BPIFC: variants seen among roughly 807,000 people sequenced by gnomAD.
BPIFC encodes BPI fold containing family C.
Under a neutral mutation model 57.6 loss-of-function variants are expected in BPIFC, and 60 were observed. That is an observed-to-expected ratio of 1.04 (90% confidence interval 0.85 to 1.29). The LOEUF (loss-of-function observed/expected upper bound fraction) is 1.29, where lower values mean the gene tolerates loss of function less well. Among genes scored for constraint, BPIFC ranks in the 50% most tolerant of loss-of-function variants. The pLI is 0.00. For synonymous variants in BPIFC, 243 were observed against 224.5 expected (o/e 1.08, Z -0.74); for missense variants, 581 against 600.5 (o/e 0.97, Z 0.34).
At chr22:32,456,686 C>T (rs1414232302) in intron 3 of BPIFC, among the ~76,000 whole-genome samples, 1 of 152,086 alleles carries the variant, frequency 6.6e-6, no homozygotes. Context: ...CATTCCCTCT[C>T]CACAATCTGC....
Position 32,424,642 on chromosome 22 carries a change from C to CTCTTCTTCTTCTTCTTCTTCT in BPIFC, c.1218-5259_1218-5239dup, listed in dbSNP as rs796330210. On this transcript the variant is annotated intron_variant, in intron 13 of 16. Coordinates refer to ENST00000300399, the MANE Select transcript of BPIFC (RefSeq NM_174932.3). ...TCCTCCTCCTCCTCTTCTTCTTCTT[C>CTCTTCTTCTTCTTCTTCTTCT]TCTTCTTCTTCTTCTTCTTCTTCTT... Among the ~76,000 whole-genome samples the CTCTTCTTCTTCTTCTTCTTCT allele has an allele frequency of 4.5e-3, 129 of 28,776 alleles. 14 individuals carry two copies. Among genetic ancestry groups the CTCTTCTTCTTCTTCTTCTTCT allele is most frequent in the East Asian group, 0.01 (12 of 1,160 alleles). The allele number at this position is 28,776 out of a possible 152,430, so 18.9% of individuals were successfully genotyped here.
At chr22:32,455,659 A>G (rs1417732198) in intron 3 of BPIFC, among the ~76,000 whole-genome samples, 1 of 152,190 alleles carries the variant, frequency 6.6e-6, no homozygotes, top group East Asian at 1.9e-4. Context: ...CAGGGAGTAG[A>G]TGATAGAGTG....
At position 32,435,662 on chromosome 22, in the gene BPIFC, G is replaced by C. The variant is rs372755602; in HGVS notation, c.924+42C>G. The C allele has an allele frequency of 3.2e-6, 5 of 1,575,574 alleles. No individual in the cohort carries two copies. In the African/African-American group the frequency reaches 6.8e-5, roughly 21 times the overall value. ...ACAATAGGATACTTATAAAAAGGCT[G>C]AATGATGGTGACCATTGACATCCTC... On this transcript the variant is annotated intron_variant, in intron 10 of 16. Transcript: ENST00000300399.
In BPIFC at chr22:32,457,253, TCCA is replaced by T; in HGVS notation, c.124+7_124+9del. Reference sequence around the variant, plus strand: ...GCCTGAGGTCTGGCTTCTGAAAACATCCAACTCACCATAGTCAAGTGCCCTCTG... The same window carrying T: ...GCCTGAGGTCTGGCTTCTGAAAACATACTCACCATAGTCAAGTGCCCTCTG... On this transcript the variant is annotated splice_region_variant and intron_variant, in intron 3 of 16. Coordinates refer to ENST00000300399, the MANE Select transcript of BPIFC (RefSeq NM_174932.3). 1 of 1,589,870 alleles carries T rather than the reference TCCA, an allele frequency of 6.3e-7. No individual in the cohort carries two copies. The highest frequency in any genetic ancestry group is 8.5e-7 in the Non-Finnish European group (1 of 1,174,116).
At chr22:32,435,977 C>G in intron 9 of BPIFC, 97 bp from the exon 10 acceptor site, 1 of 1,393,302 alleles carries the variant, frequency 7.2e-7, no homozygotes, top group South Asian at 1.4e-5. Context: ...AATAAGAATT[C>G]CAGAAGCTCG....
At chr22:32,418,159 G>C (rs1035459911) in intron 14 of BPIFC, among the ~76,000 whole-genome samples, 2 of 152,220 alleles carry the variant, frequency 1.3e-5, no homozygotes, top group Non-Finnish European at 2.9e-5. Context: ...TATGTGGTCA[G>C]TGTGCTAAGT....
chr22:32,445,987 T>C lies in BPIFC; in HGVS notation c.384A>G (p.Thr128=). ...WGFESPLFQD[T]GGADLFLSGV... The stretch of plus-strand genomic sequence containing the variant: ...CGGAGAGAAACAGATCAGCCCCTCC[T>C]GTGTCTTGGCTGTTTAAAGAAGTGC... Residue 128 remains threonine (T), a synonymous_variant, in exon 6 of 17, where the codon ACA becomes ACG. Transcript: ENST00000300399. 6.2e-7 allele frequency: 1 copy of C among 1,614,066 alleles called. No individual in the cohort carries two copies. Among genetic ancestry groups the C allele is most frequent in the Non-Finnish European group, 8.5e-7 (1 of 1,179,962 alleles).
intron 13 of BPIFC, among the ~76,000 whole-genome samples, chr22:32,430,661 G>A (rs990606506): frequency 2.0e-5 from 3 of 150,700 alleles, no homozygotes; most frequent in African/African-American, 7.3e-5. Context: ...TTTTTTGAGA[G>A]ACAAGGTCTC....
At chr22:32,455,712 CCT>C (rs1353021619) in intron 3 of BPIFC, among the ~76,000 whole-genome samples, 1 of 152,160 alleles carries the variant, frequency 6.6e-6, no homozygotes, top group African/African-American at 2.4e-5. Flanking sequence ...TTCATATTTG[CCT>C]GAGTCCCTTA....
chr22:32,446,761 G>A (rs1934742047), intron 5 of BPIFC: 7 of 985,242 alleles, frequency 7.1e-6, no homozygotes, highest in African/African-American at 1.7e-5. Flanking sequence ...TCTACACGAG[G>A]GTGCAAAGGC....
At chr22:32,459,522 G>T (rs1038610636) in intron 2 of BPIFC, among the ~76,000 whole-genome samples, 8 of 152,128 alleles carry the variant, frequency 5.3e-5, no homozygotes, top group Non-Finnish European at 1.2e-4. Context: ...AATTAGCTGG[G>T]TGTGGTGGCG....
Position 32,457,018 on chromosome 22 carries a change from T to C in BPIFC, c.124+245A>G, listed in dbSNP as rs1324650599. ...CCCTCAGATGTTCATTATGTGTATA[T>C]ATGGGAAAGAGAGAGAGACAATGAG... On this transcript the variant is annotated intron_variant, in intron 3 of 16. Coordinates refer to ENST00000300399, the MANE Select transcript of BPIFC (RefSeq NM_174932.3). 2.0e-5 allele frequency among the ~76,000 whole-genome samples: 3 copies of C among 152,192 alleles called. No homozygotes were observed. In the East Asian group the frequency reaches 5.8e-4, roughly 29 times the overall value.
intron 16 of BPIFC, among the ~76,000 whole-genome samples, chr22:32,415,242 C>T (rs537706384): frequency 9.2e-5 from 14 of 152,236 alleles, no homozygotes; most frequent in African/African-American, 1.7e-4. Flanking sequence ...ACTCCTCGGC[C>T]GCTCACCTCC....
intron 3 of BPIFC, among the ~76,000 whole-genome samples, chr22:32,453,729 T>C (rs1339232904): frequency 6.6e-6 from 1 of 152,194 alleles, no homozygotes; most frequent in East Asian, 1.9e-4. Context: ...ATGAGACATT[T>C]TCATTACGTC....
chr22:32,454,174 C>G (rs573223798), intron 3 of BPIFC, among the ~76,000 whole-genome samples: 82 of 152,296 alleles, frequency 5.4e-4, no homozygotes, highest in African/African-American at 1.9e-3. Context: ...TGGTCAAATT[C>G]AGACACTTCG....
intron 10 of BPIFC, among the ~76,000 whole-genome samples, chr22:32,434,967 T>G (rs182343096): frequency 7.1e-6 from 1 of 140,224 alleles, no homozygotes; most frequent in African/African-American, 2.7e-5. Context: ...CCAGGATAAC[T>G]TTACGTCAGC....
At chr22:32,440,563 T>A (rs1934536184) in intron 8 of BPIFC, among the ~76,000 whole-genome samples, 1 of 152,182 alleles carries the variant, frequency 6.6e-6, no homozygotes, top group South Asian at 2.1e-4. Context: ...CAGGAAATTA[T>A]AATACAACAC....
chr22:32,414,562 G>A, intron 16 of BPIFC, 137 bp from the exon 17 acceptor site: 1 of 1,092,196 alleles, frequency 9.2e-7, no homozygotes, highest in Non-Finnish European at 1.3e-6. Flanking sequence ...CGCCCAGGCT[G>A]GAGTGTGGTG....
chr22:32,422,478 G>A (rs1197783130), intron 13 of BPIFC, among the ~76,000 whole-genome samples: 3 of 152,044 alleles, frequency 2.0e-5, no homozygotes. Context: ...AGGCTGAGAC[G>A]GGTGGATCAC....
Sources: gnomAD v4.1 joint callset for allele counts (sites outside exome capture counted in the v4.1 genomes callset) on GRCh38, gnomAD v4.1.1 for gene constraint, MANE v1.5 for transcripts, NCBI Gene and HGNC (gene_info 2026-07-23, HGNC 2026-07-21) for gene names.